The following INPP5F variants were observed in gnomAD, a reference collection of about 807,000 sequenced individuals.
INPP5F encodes the protein phosphatidylinositide 4-phosphatase SAC2.
Under a neutral mutation model 137.2 loss-of-function variants are expected in INPP5F, and 97 were observed. The observed-to-expected ratio is 0.71, with a 90% CI of 0.60 to 0.84. The LOEUF is 0.84. Ranked by LOEUF, INPP5F falls within the 40% of genes least tolerant of loss-of-function variation. The pLI, the probability that INPP5F is intolerant of heterozygous loss-of-function variation, is 0.00. For synonymous variants in INPP5F, 504 were observed against 476.9 expected, an observed-to-expected ratio of 1.06 and a Z score of -0.74; for missense variants, 1,271 against 1,371.9, an observed-to-expected ratio of 0.93 and a Z score of 1.16.
At chr10:119,814,652 T>G (rs979826333) in intron 15 of INPP5F, 6 of 152,244 alleles carry the variant, frequency 3.9e-5, no homozygotes, top group Non-Finnish European at 7.3e-5. Flanking sequence ...TATCAGGTTT[T>G]CAGCACATGG....
At chr10:119,813,371 G>T (rs1339403929) in intron 15 of INPP5F, among the ~76,000 whole-genome samples, 2 of 152,168 alleles carry the variant, frequency 1.3e-5, no homozygotes, top group Non-Finnish European at 2.9e-5. Flanking sequence ...ATGAATAATG[G>T]TGTGGTGGCT....
At chr10:119,741,056 C>T (rs141359863) in intron 1 of INPP5F, among the ~76,000 whole-genome samples, 4 of 152,248 alleles carry the variant, frequency 2.6e-5, no homozygotes, top group African/African-American at 7.2e-5. Context: ...ATTCTGTTTA[C>T]GAAGGAGGAA....
intron 1 of INPP5F, among the ~76,000 whole-genome samples, chr10:119,731,764 C>T (rs1483266382): frequency 1.3e-5 from 2 of 152,136 alleles, no homozygotes; most frequent in Non-Finnish European, 2.9e-5. Context: ...TCTTTCTGAT[C>T]ATTTTTGTTG....
chr10:119,766,371 G>A (rs1211106374), intron 2 of INPP5F, among the ~76,000 whole-genome samples: 1 of 152,078 alleles, frequency 6.6e-6, no homozygotes, highest in Non-Finnish European at 1.5e-5. Flanking sequence ...AACCATCACA[G>A]GGTCATTTAC....
intron 2 of INPP5F, among the ~76,000 whole-genome samples, chr10:119,771,786 T>A (rs374351870): frequency 1.8e-3 from 269 of 146,618 alleles, no homozygotes; most frequent in African/African-American, 6.5e-3. Flanking sequence ...TTTTATTTCA[T>A]TATTGCTGAG....
At chr10:119,821,750 CTG>C (rs67350306) in intron 16 of INPP5F, among the ~76,000 whole-genome samples, 4 of 150,990 alleles carry the variant, frequency 2.6e-5, no homozygotes, top group Middle Eastern at 3.4e-3. Flanking sequence ...GTCTCTTGCT[CTG>C]TGTGTGTGTG....
intron 1 of INPP5F, among the ~76,000 whole-genome samples, chr10:119,749,618 A>T (rs564706021): frequency 3.3e-5 from 5 of 152,182 alleles, no homozygotes; most frequent in Non-Finnish European, 7.3e-5. Context: ...GGTTTTTGGT[A>T]GCAGCCTTGA....
At chr10:119,796,528 A>T (rs1850391302) in intron 6 of INPP5F, among the ~76,000 whole-genome samples, 187 bp from the exon 7 acceptor site, 1 of 152,176 alleles carries the variant, frequency 6.6e-6, no homozygotes, top group Non-Finnish European at 1.5e-5. Context: ...GTTCACCATA[A>T]AGAAAAGGAA....
At chr10:119,761,577 T>C (rs540052185) in intron 2 of INPP5F, among the ~76,000 whole-genome samples, 3 of 135,702 alleles carry the variant, frequency 2.2e-5, no homozygotes, top group Non-Finnish European at 3.3e-5. Context: ...TTTCTCTTAA[T>C]GTAGTTTTTT....
chr10:119,762,019 C>T (rs1378334843), intron 2 of INPP5F, among the ~76,000 whole-genome samples: 2 of 152,150 alleles, frequency 1.3e-5, no homozygotes, highest in African/African-American at 4.8e-5. Context: ...GAAGTTGGCC[C>T]CGTAGAACCT....
chr10:119,726,082 G>A lies in INPP5F; in HGVS notation c.-181G>A. 5.4e-6 allele frequency: 2 copies of A among 371,746 alleles called. No individual in the cohort carries two copies. Among genetic ancestry groups the A allele is most frequent in the Non-Finnish European group, 9.5e-6 (2 of 210,462 alleles). The allele number at this position is 371,746 out of a possible 1,614,324, so 23.0% of individuals were successfully genotyped here. A position where few individuals can be genotyped will look rare whatever the true frequency, so the allele number is the denominator to read the frequency against. On this transcript the variant is annotated 5_prime_UTR_variant, in exon 1 of 20. Transcript: ENST00000650623. ...CTCTACGGCCGCCGCTGCCGCCGCC[G>A]CTGCCGGGGCGCGTTCTCCTCCTAC...
chr10:119,822,341 T>C, intron 16 of INPP5F, 90 bp from the exon 17 acceptor site: 1 of 612,164 alleles, frequency 1.6e-6, no homozygotes, highest in South Asian at 2.3e-5. Context: ...GTTAACTGTA[T>C]GTAACAGTTT....
intron 10 of INPP5F, 45 bp downstream of exon 10, chr10:119,804,342 T>G: frequency 6.7e-7 from 1 of 1,488,912 alleles, no homozygotes; most frequent in South Asian, 1.4e-5. Context: ...TGCAGTGTTT[T>G]TGGTAGATGC....
chr10:119,781,849 C>T, intron 3 of INPP5F, 78 bp downstream of exon 3: 1 of 1,156,936 alleles, frequency 8.6e-7, no homozygotes, highest in Non-Finnish European at 1.2e-6. Flanking sequence ...TTCAGTAGAC[C>T]AGAAACTTAC....
intron 3 of INPP5F, among the ~76,000 whole-genome samples, chr10:119,785,315 TCG>T: frequency 7.9e-6 from 1 of 126,538 alleles, no homozygotes; most frequent in Non-Finnish European, 1.7e-5. Flanking sequence ...AGACGGAGCC[TCG>T]CTCTGTCGCC....
At chr10:119,823,726 A>G (rs1851651921) in intron 18 of INPP5F, 89 bp from the exon 19 acceptor site, 3 of 914,910 alleles carry the variant, frequency 3.3e-6, no homozygotes, top group Non-Finnish European at 4.9e-6. Context: ...TACGACGACA[A>G]ATTTCATTCA....
intron 2 of INPP5F, among the ~76,000 whole-genome samples, chr10:119,779,006 T>C (rs1849613818): frequency 6.6e-6 from 1 of 152,158 alleles, no homozygotes. Flanking sequence ...TCTTTTATCC[T>C]ATTCCCATCC....
intron 1 of INPP5F, among the ~76,000 whole-genome samples, chr10:119,734,572 C>G (rs866805005): frequency 6.6e-6 from 1 of 152,134 alleles, no homozygotes. Context: ...TGGCCTCAAG[C>G]AGTCCTCCTG....
At chr10:119,757,363 C>T (rs1381454891) in intron 2 of INPP5F, among the ~76,000 whole-genome samples, 3 of 151,552 alleles carry the variant, frequency 2.0e-5, no homozygotes, top group Non-Finnish European at 4.4e-5. Context: ...CCACCATGCC[C>T]GACCGAGATT....
Sources: gnomAD v4.1 joint callset for allele counts (sites outside exome capture counted in the v4.1 genomes callset) on GRCh38, gnomAD v4.1.1 for gene constraint, MANE v1.5 for transcripts, NCBI Gene and HGNC (gene_info 2026-07-23, HGNC 2026-07-21) for gene names.